DCAF6: variants seen among roughly 807,000 people sequenced by gnomAD.
DCAF6 encodes DDB1 and CUL4 associated factor 6.
In DCAF6, 54 loss-of-function variants were observed where a neutral mutation model predicts 125.1. The observed-to-expected ratio is 0.43, with a 90% CI of 0.35 to 0.54. The LOEUF is 0.54. Among genes scored for constraint, DCAF6 ranks in the 20% least tolerant of loss-of-function variants. The pLI, the probability that DCAF6 is intolerant of heterozygous loss-of-function variation, is 0.01. For synonymous variants in DCAF6, 371 were observed against 390.4 expected, an observed-to-expected ratio of 0.95 and a Z score of 0.58; for missense variants, 934 against 1,161.7, an observed-to-expected ratio of 0.80 and a Z score of 2.85.
At chr1:167,993,495 A>G in intron 7 of DCAF6, 55 bp downstream of exon 7, 1 of 1,479,730 alleles carries the variant, frequency 6.8e-7, no homozygotes, top group Non-Finnish European at 9.4e-7. Flanking sequence ...CACGCCTGTA[A>G]TCCCAGCGCT....
upstream of DCAF6, chr1:167,936,550 G>A (rs183646367): frequency 2.1e-5 from 6 of 280,438 alleles, no homozygotes; most frequent in East Asian, 2.3e-4. Context: ...AGTCCCCAGG[G>A]TGGTCGTCAT....
chr1:167,880,490 C>T, the DCAF6 span: 1 of 1,611,012 alleles, frequency 6.2e-7, no homozygotes, highest in Non-Finnish European at 8.5e-7. Flanking sequence ...TCAATACTCA[C>T]TGGATTTTGT....
chr1:167,971,498 T>C (rs1020132187), intron 3 of DCAF6, among the ~76,000 whole-genome samples: 1 of 152,176 alleles, frequency 6.6e-6, no homozygotes, highest in Non-Finnish European at 1.5e-5. Context: ...GGGGTTGTTT[T>C]TACCAAGGGA....
At chr1:167,936,020 C>A, upstream of DCAF6, 1 of 611,174 alleles carries the variant, frequency 1.6e-6, no homozygotes, top group Non-Finnish European at 2.9e-6. Flanking sequence ...CGGCCCGCGC[C>A]CCGCGAAGGT....
chr1:167,945,412 TCTC>T (rs1371020761), intron 1 of DCAF6, among the ~76,000 whole-genome samples: 2 of 152,188 alleles, frequency 1.3e-5, no homozygotes, highest in East Asian at 3.8e-4. Flanking sequence ...GTTTTGTAGT[TCTC>T]CTTGTAGGGA....
the DCAF6 span, among the ~76,000 whole-genome samples, chr1:167,890,999 T>TC: frequency 6.6e-6 from 1 of 152,118 alleles, no homozygotes; most frequent in Non-Finnish European, 1.5e-5. Context: ...TCTCGCTCTG[T>TC]CACCCAGGCT....
intron 2 of DCAF6, among the ~76,000 whole-genome samples, chr1:167,956,163 A>G (rs1050935820): frequency 6.6e-5 from 10 of 152,068 alleles, no homozygotes; most frequent in Admixed American, 2.0e-4. Flanking sequence ...CTAACTTGCT[A>G]AGAGCTATCA....
chr1:167,943,640 C>T (rs1672602381), intron 1 of DCAF6, among the ~76,000 whole-genome samples: 1 of 152,180 alleles, frequency 6.6e-6, no homozygotes. Context: ...TCTTTGTCCT[C>T]ATTAACGAAT....
At chr1:168,022,255 A>C (rs1298438275) in intron 11 of DCAF6, among the ~76,000 whole-genome samples, 2 of 152,246 alleles carry the variant, frequency 1.3e-5, no homozygotes, top group Non-Finnish European at 2.9e-5. Flanking sequence ...AAATTCTTAC[A>C]TAGAAACCCA....
the DCAF6 span, chr1:167,880,499 G>C: frequency 6.2e-7 from 1 of 1,612,756 alleles, no homozygotes; most frequent in East Asian, 2.2e-5. Context: ...ACTGGATTTT[G>C]TGGACTTGAG....
intron 17 of DCAF6, among the ~76,000 whole-genome samples, chr1:168,060,246 C>T (rs554828162): frequency 6.6e-6 from 1 of 152,220 alleles, no homozygotes; most frequent in East Asian, 1.9e-4. Context: ...ATGGCATGAT[C>T]TTAGCTCACT....
intron 19 of DCAF6, 44 bp from the exon 20 acceptor site, chr1:168,066,333 G>T (rs1312185789): frequency 2.3e-6 from 3 of 1,304,962 alleles, no homozygotes; most frequent in African/African-American, 1.5e-5. Flanking sequence ...ATCCTGAATT[G>T]CATGTTTCTA....
intron 10 of DCAF6, among the ~76,000 whole-genome samples, chr1:168,011,299 G>A (rs1467970980): frequency 6.6e-6 from 1 of 151,744 alleles, no homozygotes; most frequent in Non-Finnish European, 1.5e-5. Context: ...TTGTATTTTA[G>A]TGGAGATGGG....
chr1:167,923,536 A>T, the DCAF6 span, among the ~76,000 whole-genome samples: 46 of 152,142 alleles, frequency 3.0e-4, no homozygotes, highest in Admixed American at 2.9e-3. Flanking sequence ...GTTGCCAGGG[A>T]CTGGGAGAAG....
chr1:167,991,159 C>T (rs2103007299), intron 5 of DCAF6, 45 bp from the exon 6 acceptor site: 23 of 1,491,278 alleles, frequency 1.5e-5, no homozygotes, highest in East Asian at 7.3e-5. Flanking sequence ...AATTTCACCT[C>T]TGCTGTATAA....
At chr1:168,042,988 C>G (rs1167577443) in intron 13 of DCAF6, 37 bp from the exon 14 acceptor site, 2 of 1,468,530 alleles carry the variant, frequency 1.4e-6, no homozygotes, top group Non-Finnish European at 1.9e-6. Flanking sequence ...TATTGATTAA[C>G]TTCTTGGTGG....
At chr1:167,869,351 C>T in the DCAF6 span, among the ~76,000 whole-genome samples, 493 of 152,282 alleles carry the variant, frequency 3.2e-3, 4 homozygotes, top group African/African-American at 0.012. Flanking sequence ...CAATCTATTG[C>T]ACAAGAAGGC....
At chr1:167,937,575 C>T (rs1198624559) in intron 1 of DCAF6, among the ~76,000 whole-genome samples, 1 of 152,110 alleles carries the variant, frequency 6.6e-6, no homozygotes, top group Non-Finnish European at 1.5e-5. Flanking sequence ...TCTCCCAGTT[C>T]CACTCTGCTC....
At chr1:167,875,070 C>CT in the DCAF6 span, 1 of 1,324,648 alleles carries the variant, frequency 7.5e-7, no homozygotes, top group Non-Finnish European at 1.1e-6. Context: ...CATTGATGTA[C>CT]TTTTCTGCAT....
Sources: allele counts gnomAD v4.1 joint callset (sites outside exome capture counted in the v4.1 genomes callset), GRCh38; gene constraint gnomAD v4.1.1; transcripts MANE v1.5; gene names NCBI Gene and HGNC (gene_info 2026-07-23, HGNC 2026-07-21).